Variants in EXOC6B observed in about 807,000 individuals in gnomAD.
EXOC6B encodes the protein SEC15 homolog B.
A neutral mutation model predicts 113.5 loss-of-function variants in EXOC6B; 54 were observed. That is an observed-to-expected ratio of 0.48 (90% CI 0.38 to 0.60). EXOC6B has a LOEUF of 0.60. EXOC6B is among the 20% of genes least tolerant of loss of function. The pLI, the probability that EXOC6B is intolerant of heterozygous loss-of-function variation, is 0.00. For missense variants in EXOC6B, 797 were observed against 977.5 expected, an observed-to-expected ratio of 0.82 and a Z score of 2.46; for synonymous variants, 357 against 339.0, an observed-to-expected ratio of 1.05 and a Z score of -0.58.
chr2:72,478,498 G>A (rs1698885267), intron 17 of EXOC6B, among the ~76,000 whole-genome samples: 1 of 152,182 alleles, frequency 6.6e-6, no homozygotes, highest in African/African-American at 2.4e-5. Flanking sequence ...GTCTGAAACA[G>A]CCCTGGTAAA....
intron 1 of EXOC6B, among the ~76,000 whole-genome samples, chr2:72,768,359 T>G (rs1373955481): frequency 4.7e-5 from 7 of 148,118 alleles, no homozygotes; most frequent in African/African-American, 1.7e-4. Flanking sequence ...TGGTGCGATC[T>G]CGGCTCACTG....
chr2:72,511,345 A>G (rs895876359), intron 11 of EXOC6B, among the ~76,000 whole-genome samples: 1 of 152,102 alleles, frequency 6.6e-6, no homozygotes. Context: ...CTATCATCCA[A>G]GAAAGGAAAC....
intron 20 of EXOC6B, among the ~76,000 whole-genome samples, chr2:72,327,772 A>G (rs901032501): frequency 6.6e-6 from 1 of 152,114 alleles, no homozygotes; most frequent in South Asian, 2.1e-4. Context: ...GCAGTTCTAG[A>G]GCAGATTCTC....
At chr2:72,555,442 A>G (rs892414153) in intron 8 of EXOC6B, among the ~76,000 whole-genome samples, 1 of 151,880 alleles carries the variant, frequency 6.6e-6, no homozygotes, top group African/African-American at 2.4e-5. Flanking sequence ...TTTAATGATC[A>G]CCATTCTAAC....
intron 6 of EXOC6B, among the ~76,000 whole-genome samples, chr2:72,669,313 G>T (rs1027706239): frequency 6.6e-6 from 1 of 151,064 alleles, no homozygotes; most frequent in Admixed American, 6.6e-5. Context: ...ACCCAATATC[G>T]AATTAGTCAT....
intron 20 of EXOC6B, among the ~76,000 whole-genome samples, chr2:72,220,726 C>CGATGAA (rs1445656660): frequency 6.6e-6 from 1 of 152,038 alleles, no homozygotes; most frequent in Non-Finnish European, 1.5e-5. Flanking sequence ...CTCTAAAGAA[C>CGATGAA]GATGAAGACA....
intron 7 of EXOC6B, among the ~76,000 whole-genome samples, chr2:72,569,089 G>A (rs1004033418): frequency 7.2e-5 from 11 of 152,030 alleles, no homozygotes; most frequent in African/African-American, 2.4e-4. Flanking sequence ...ATGCCATAAT[G>A]TTTCCATTCA....
intron 1 of EXOC6B, among the ~76,000 whole-genome samples, chr2:72,804,996 T>C (rs1685502135): frequency 6.6e-6 from 1 of 152,192 alleles, no homozygotes; most frequent in African/African-American, 2.4e-5. Context: ...ATCAAGAGAA[T>C]TTCAAAGTAT....
At chr2:72,515,450 T>TGATAACA (rs893613236) in intron 8 of EXOC6B, 6 of 1,098,796 alleles carry the variant, frequency 5.5e-6, no homozygotes, top group Non-Finnish European at 5.5e-6. Context: ...CCATAAGTTA[T>TGATAACA]GATAACAGGT....
chr2:72,261,941 T>C (rs1683746830), intron 20 of EXOC6B, among the ~76,000 whole-genome samples: 1 of 152,122 alleles, frequency 6.6e-6, no homozygotes, highest in Non-Finnish European at 1.5e-5. Flanking sequence ...CTGCCTCCAA[T>C]TACAGCTGAT....
chr2:72,535,031 G>T (rs953388776), intron 8 of EXOC6B, among the ~76,000 whole-genome samples: 5 of 152,176 alleles, frequency 3.3e-5, no homozygotes, highest in African/African-American at 1.2e-4. Flanking sequence ...TTTCAAAGAA[G>T]GAATGTGTTT....
intron 8 of EXOC6B, among the ~76,000 whole-genome samples, chr2:72,552,760 AT>A (rs1217480196): frequency 6.6e-6 from 1 of 152,034 alleles, no homozygotes; most frequent in African/African-American, 2.4e-5. Context: ...AATTCACCAT[AT>A]TCATAAACTA....
At chr2:72,688,662 T>C (rs1677262332) in intron 6 of EXOC6B, among the ~76,000 whole-genome samples, 2 of 152,226 alleles carry the variant, frequency 1.3e-5, no homozygotes, top group South Asian at 4.1e-4. Flanking sequence ...TCAGTCAGCA[T>C]GCACTGAAGG....
intron 6 of EXOC6B, among the ~76,000 whole-genome samples, chr2:72,614,493 C>T (rs1671270045): frequency 6.6e-6 from 1 of 152,056 alleles, no homozygotes; most frequent in East Asian, 1.9e-4. Context: ...CCCCACCTCC[C>T]AATCACCTGA....
At chr2:72,364,586 TCTTAACTGAAAG>T (rs1359722435) in intron 19 of EXOC6B, among the ~76,000 whole-genome samples, 1 of 152,162 alleles carries the variant, frequency 6.6e-6, no homozygotes, top group East Asian at 1.9e-4. Context: ...GCTCTTTTAG[TCTTAACTGAAAG>T]CTGGCTCTGC....
chr2:72,351,084 C>G (rs1158842497), intron 19 of EXOC6B, among the ~76,000 whole-genome samples: 1 of 151,998 alleles, frequency 6.6e-6, no homozygotes, highest in Non-Finnish European at 1.5e-5. Flanking sequence ...TCCAGTGAGT[C>G]AGAGGGGAAG....
At chr2:72,336,201 T>A (rs954884584) in intron 19 of EXOC6B, among the ~76,000 whole-genome samples, 1 of 152,186 alleles carries the variant, frequency 6.6e-6, no homozygotes, top group Middle Eastern at 3.2e-3. Flanking sequence ...AGTACTGAAT[T>A]TAAGAAACTA....
intron 6 of EXOC6B, among the ~76,000 whole-genome samples, chr2:72,678,224 A>G (rs1349215324): frequency 1.3e-5 from 2 of 152,176 alleles, no homozygotes; most frequent in Non-Finnish European, 2.9e-5. Context: ...ACAGCTGTTC[A>G]CACTTTCAAT....
Position 72,435,724 on chromosome 2 carries a change from G to GTT in EXOC6B, c.1980+29434_1980+29435dup, listed in dbSNP as rs200460115. 3.4e-3 allele frequency among the ~76,000 whole-genome samples: 485 copies of GTT among 144,354 alleles called. 2 individuals are homozygous for GTT. Among genetic ancestry groups the GTT allele is most frequent in the African/African-American group, 0.011 (446 of 40,468 alleles). 94.7% of individuals were successfully genotyped at this position (144,354 alleles called of 152,430 possible). On this transcript the variant is annotated intron_variant, in intron 18 of 21. Transcript: ENST00000272427. ...GGATTGCATCCCCTGCTTTTTTTTT[G>GTT]TTTTTTTTTTGCTTTCCATTTGCTT...
Sources: gnomAD v4.1 joint callset for allele counts (sites outside exome capture counted in the v4.1 genomes callset) on GRCh38, gnomAD v4.1.1 for gene constraint, MANE v1.5 for transcripts, NCBI Gene and HGNC (gene_info 2026-07-23, HGNC 2026-07-21) for gene names.